Variants in DCC observed in about 807,000 individuals in gnomAD.
The protein encoded by DCC is netrin receptor DCC.
A neutral mutation model predicts 172.5 loss-of-function variants in DCC; 58 were observed. The ratio of observed to expected loss-of-function variants is 0.34; its 90% CI spans 0.27 to 0.42. The LOEUF is 0.42. Among genes scored for constraint, DCC ranks in the 10% least tolerant of loss-of-function variants. The pLI is 1.00. For synonymous variants in DCC, 709 were observed against 644.5 expected (o/e 1.10, Z -1.52); for missense variants, 1,740 against 1,791.0 (o/e 0.97, Z 0.51).
rs548388549 is a variant in DCC at position 52,503,371 on chromosome 18, T to C, written c.91+162493T>C. On this transcript the variant is annotated intron_variant, in intron 1 of 28. Transcript: ENST00000442544. Reference sequence around the variant, plus strand: ...GTTATATTGCTGATCTGAACTGAGTTCTCAAAAAGAAGCCCAAGCAAAGTA... The same window carrying C: ...GTTATATTGCTGATCTGAACTGAGTCCTCAAAAAGAAGCCCAAGCAAAGTA... 7.9e-5 allele frequency among the ~76,000 whole-genome samples: 12 copies of C among 152,228 alleles called. No homozygotes were observed. The East Asian group carries it at 1.7e-3, about 22-fold the overall frequency.
At chr18:52,913,397 G>A (rs1424826035) in intron 3 of DCC, among the ~76,000 whole-genome samples, 3 of 152,006 alleles carry the variant, frequency 2.0e-5, no homozygotes, top group Non-Finnish European at 2.9e-5. Flanking sequence ...CAAGGCTCAG[G>A]ATTCCAAGCT....
chr18:52,821,997 G>A (rs1483999946), intron 2 of DCC, among the ~76,000 whole-genome samples: 3 of 152,126 alleles, frequency 2.0e-5, no homozygotes, highest in Non-Finnish European at 4.4e-5. Flanking sequence ...TCTGTCCAGA[G>A]CCAGTACAGC....
intron 27 of DCC, among the ~76,000 whole-genome samples, chr18:53,511,325 A>G (rs1470862931): frequency 6.6e-6 from 1 of 152,258 alleles, no homozygotes; most frequent in Non-Finnish European, 1.5e-5. Flanking sequence ...CCTGACTACA[A>G]GAATATTCGA....
At chr18:53,344,440 C>CTT (rs71175582) in intron 15 of DCC, among the ~76,000 whole-genome samples, 992 of 97,052 alleles carry the variant, frequency 0.01, 42 homozygotes, top group South Asian at 0.018. Context: ...TTTCGTTTTT[C>CTT]TTTTTTTTTT....
At chr18:53,079,111 G>C (rs1334748865) in intron 7 of DCC, among the ~76,000 whole-genome samples, 3 of 152,120 alleles carry the variant, frequency 2.0e-5, no homozygotes, top group Non-Finnish European at 4.4e-5. Context: ...ATGGCACTTA[G>C]TTGTAAGGAA....
chr18:52,874,670 A>G (rs1453297115), intron 2 of DCC, among the ~76,000 whole-genome samples: 1 of 152,070 alleles, frequency 6.6e-6, no homozygotes, highest in East Asian at 1.9e-4. Context: ...TTGGATTTTG[A>G]AAATATTTGG....
intron 1 of DCC, among the ~76,000 whole-genome samples, chr18:52,364,736 GGTTT>G (rs1984768604): frequency 1.3e-5 from 2 of 152,162 alleles, no homozygotes; most frequent in Non-Finnish European, 2.9e-5. Flanking sequence ...CATTGATCCT[GGTTT>G]TGCCCTTCTT....
chr18:53,352,106 C>T (rs1002816418), intron 15 of DCC, among the ~76,000 whole-genome samples: 28 of 151,802 alleles, frequency 1.8e-4, no homozygotes, highest in African/African-American at 6.5e-4. Flanking sequence ...CAGGAAAATC[C>T]CTCTTTCTAT....
intron 2 of DCC, among the ~76,000 whole-genome samples, chr18:52,761,810 G>A (rs1451660206): frequency 6.6e-6 from 1 of 150,820 alleles, no homozygotes; most frequent in Non-Finnish European, 1.5e-5. Flanking sequence ...TCGAGAGGCT[G>A]AGGTAGGAGA....
chr18:53,002,743 T>C (rs1281674005), intron 5 of DCC, among the ~76,000 whole-genome samples: 2 of 152,100 alleles, frequency 1.3e-5, no homozygotes, highest in African/African-American at 4.8e-5. Flanking sequence ...GTGCCAGATA[T>C]TTAAAAGAAA....
At chr18:53,060,867 A>C (rs1271336108) in intron 5 of DCC, among the ~76,000 whole-genome samples, 1 of 152,162 alleles carries the variant, frequency 6.6e-6, no homozygotes, top group African/African-American at 2.4e-5. Context: ...AAATTCTGTT[A>C]TGTAGAGCAC....
intron 25 of DCC, among the ~76,000 whole-genome samples, chr18:53,475,675 G>C (rs1463119162): frequency 6.6e-6 from 1 of 152,212 alleles, no homozygotes; most frequent in Non-Finnish European, 1.5e-5. Context: ...TTGCTGCAGG[G>C]GTGGGGCTCT....
chr18:52,902,910 A>ATT (rs1291018638), intron 2 of DCC, among the ~76,000 whole-genome samples: 3 of 152,214 alleles, frequency 2.0e-5, no homozygotes, highest in African/African-American at 7.2e-5. Flanking sequence ...CAAACATTGC[A>ATT]TTGTTAACTT....
chr18:53,157,479 T>G lies in DCC; in HGVS notation c.1385T>G (p.Phe462Cys), dbSNP rs1339532985. 1 of 1,614,122 alleles carries G rather than the reference T, an allele frequency of 6.2e-7. No individual in the cohort carries two copies. Among genetic ancestry groups the G allele is most frequent in the Admixed American group, 1.7e-5 (1 of 60,012 alleles). Residue 462 changes from phenylalanine to cysteine, a missense_variant, in exon 8 of 29, where the codon TTC (phenylalanine) becomes TGC (cysteine). Phe to Cys is a radical substitution (Grantham distance 205). Coordinates refer to ENST00000442544, the MANE Select transcript of DCC (RefSeq NM_005215.4). ...PAEAKGNIQT[F>C]TVFFSREGDN... ...GAAGCGAAAGGGAACATTCAAACTTTCACGGTCTTTTTCTCCAGAGAAGGT... is the reference window on the plus strand; with the variant it reads ...GAAGCGAAAGGGAACATTCAAACTTGCACGGTCTTTTTCTCCAGAGAAGGT...
chr18:52,545,222 G>T (rs1185835358), intron 1 of DCC, among the ~76,000 whole-genome samples: 1 of 152,174 alleles, frequency 6.6e-6, no homozygotes, highest in South Asian at 2.1e-4. Context: ...AGACTTGATA[G>T]CTTCTCCCTG....
At chr18:52,392,189 T>A (rs567229597) in intron 1 of DCC, among the ~76,000 whole-genome samples, 1 of 152,156 alleles carries the variant, frequency 6.6e-6, no homozygotes, top group African/African-American at 2.4e-5. Context: ...GATGAATAGA[T>A]GGCTCATAGA....
Position 53,009,875 on chromosome 18 carries a change from A to G in DCC, c.986-53430A>G, listed in dbSNP as rs151171063. Among the ~76,000 whole-genome samples the G allele has an allele frequency of 3.8e-4, 58 of 152,066 alleles. 1 individual carries two copies. The East Asian group carries it at 0.01, about 26-fold the overall frequency. On this transcript the variant is annotated intron_variant, in intron 5 of 28. Transcript: ENST00000442544. ...CCTATTGGTTCTCCAAGACAATGGC[A>G]TTGTCACCAATCTAATCATGTCTTG...
At chr18:53,375,353 G>T (rs754810327) in intron 15 of DCC, among the ~76,000 whole-genome samples, 10 of 152,134 alleles carry the variant, frequency 6.6e-5, no homozygotes, top group Non-Finnish European at 1.0e-4. Context: ...GAAAGAGAAG[G>T]CTACCAGAAA....
intron 1 of DCC, among the ~76,000 whole-genome samples, chr18:52,420,279 A>G (rs1320715641): frequency 6.6e-6 from 1 of 152,192 alleles, no homozygotes; most frequent in Non-Finnish European, 1.5e-5. Context: ...TCTAGACCCA[A>G]GGAAAGCCCT....
Sources: gnomAD v4.1 joint callset for allele counts (sites outside exome capture counted in the v4.1 genomes callset) on GRCh38, gnomAD v4.1.1 for gene constraint, MANE v1.5 for transcripts, NCBI Gene and HGNC (gene_info 2026-07-23, HGNC 2026-07-21) for gene names.